The following CBLB variants were observed in gnomAD, a reference collection of about 807,000 sequenced individuals.
The protein encoded by CBLB is Cbl proto-oncogene B.
A neutral mutation model predicts 104.9 loss-of-function variants in CBLB; 31 were observed. The ratio of observed to expected loss-of-function variants is 0.30; its 90% CI spans 0.22 to 0.40. The LOEUF (loss-of-function observed/expected upper bound fraction) is 0.40. Among genes scored for constraint, CBLB ranks in the 10% least tolerant of loss-of-function variants. The pLI is 1.00. For synonymous variants in CBLB, 440 were observed against 422.6 expected, an observed-to-expected ratio of 1.04 and a Z score of -0.51; for missense variants, 1,062 against 1,214.6, an observed-to-expected ratio of 0.87 and a Z score of 1.87.
intron 2 of CBLB, among the ~76,000 whole-genome samples, chr3:105,859,428 G>A (rs560515169): frequency 7.2e-5 from 11 of 152,258 alleles, no homozygotes; most frequent in African/African-American, 2.6e-4. Flanking sequence ...GAGGCGAGCG[G>A]ATCACGAGGT....
intron 17 of CBLB, chr3:105,674,057 T>A (rs1365074187): frequency 6.6e-6 from 1 of 152,210 alleles, no homozygotes; most frequent in Non-Finnish European, 1.5e-5. Context: ...TTCTGATTTA[T>A]TAAGTCTTGA....
intron 2 of CBLB, among the ~76,000 whole-genome samples, chr3:105,856,348 C>CAAAAAAAAAAA (rs1169479720): frequency 3.2e-5 from 1 of 31,092 alleles, no homozygotes; most frequent in African/African-American, 1.2e-4. Flanking sequence ...GACTCCATCT[C>CAAAAAAAAAAA]AAAAAAAAAA....
chr3:105,779,038 GATAC>G (rs2079820620), intron 3 of CBLB, among the ~76,000 whole-genome samples: 1 of 152,066 alleles, frequency 6.6e-6, no homozygotes. Context: ...ACTTCCAATT[GATAC>G]ATACAAAAGA....
intron 3 of CBLB, among the ~76,000 whole-genome samples, chr3:105,816,906 T>G (rs1377530462): frequency 2.7e-5 from 4 of 150,462 alleles, no homozygotes; most frequent in Non-Finnish European, 3.0e-5. Flanking sequence ...AAAAAAAGGG[T>G]TTTTGATATA....
At chr3:105,735,384 A>G (rs4476538) in intron 8 of CBLB, among the ~76,000 whole-genome samples, 79,024 of 152,042 alleles carry the variant, frequency 0.52, 21,175 homozygotes, top group Middle Eastern at 0.66. Flanking sequence ...GAAATAATAG[A>G]TAAGTATTGA....
At chr3:105,747,174 A>AT (rs1035297499) in intron 5 of CBLB, among the ~76,000 whole-genome samples, 2 of 152,186 alleles carry the variant, frequency 1.3e-5, no homozygotes, top group African/African-American at 4.8e-5. Flanking sequence ...CATCTCTGCG[A>AT]TTTTTTTAAG....
At chr3:105,720,532 T>A (rs970250390) in intron 9 of CBLB, among the ~76,000 whole-genome samples, 1 of 152,226 alleles carries the variant, frequency 6.6e-6, no homozygotes, top group Non-Finnish European at 1.5e-5. Flanking sequence ...ACTGTTCACT[T>A]ATTATTCTAA....
chr3:105,725,208 T>G (rs1418373960), intron 9 of CBLB, among the ~76,000 whole-genome samples: 1 of 152,242 alleles, frequency 6.6e-6, no homozygotes, highest in Non-Finnish European at 1.5e-5. Flanking sequence ...AAAATGTATC[T>G]GAATAATTAT....
At chr3:105,857,877 G>C (rs1397436533) in intron 2 of CBLB, among the ~76,000 whole-genome samples, 3 of 152,108 alleles carry the variant, frequency 2.0e-5, no homozygotes, top group Non-Finnish European at 2.9e-5. Flanking sequence ...TATGATGGAG[G>C]CAAGTACAAA....
intron 17 of CBLB, chr3:105,671,637 C>T (rs1003857409): frequency 4.4e-5 from 9 of 204,550 alleles, no homozygotes; most frequent in South Asian, 1.9e-4. Context: ...TGATTACTTA[C>T]GATGAAAACA....
chr3:105,715,074 A>C (rs1370827191), intron 10 of CBLB, among the ~76,000 whole-genome samples: 1 of 152,224 alleles, frequency 6.6e-6, no homozygotes, highest in Non-Finnish European at 1.5e-5. Flanking sequence ...TTGGTGACTA[A>C]TACTGTGAAA....
intron 3 of CBLB, among the ~76,000 whole-genome samples, chr3:105,836,633 G>C (rs1322735104): frequency 6.6e-6 from 1 of 152,052 alleles, no homozygotes; most frequent in African/African-American, 2.4e-5. Flanking sequence ...CAAATATGAC[G>C]GTTTCTTACA....
intron 13 of CBLB, among the ~76,000 whole-genome samples, chr3:105,692,806 A>G (rs908109880): frequency 6.6e-6 from 1 of 150,978 alleles, no homozygotes; most frequent in Admixed American, 6.7e-5. Flanking sequence ...CTTCATATAA[A>G]GAGCAGGAAA....
chr3:105,842,927 A>G (rs972754672), intron 3 of CBLB, among the ~76,000 whole-genome samples: 80 of 152,198 alleles, frequency 5.3e-4, no homozygotes, highest in African/African-American at 1.9e-3. Flanking sequence ...GTGTTGATAA[A>G]ATAGTTTTAA....
chr3:105,797,019 G>T (rs1415790958), intron 3 of CBLB, among the ~76,000 whole-genome samples: 2 of 152,092 alleles, frequency 1.3e-5, no homozygotes, highest in Non-Finnish European at 2.9e-5. Context: ...CACTGTGAAA[G>T]CAATCTTGAT....
chr3:105,734,061 T>G lies in CBLB; in HGVS notation c.1151A>C (p.Lys384Thr). 6.2e-7 allele frequency: 1 copy of G among 1,614,048 alleles called. No individual in the cohort carries two copies. The highest frequency in any genetic ancestry group is 8.5e-7 in the Non-Finnish European group (1 of 1,179,890). ...KICAENDKDV[K>T]IEPCGHLMCT... The stretch of plus-strand genomic sequence containing the variant: ...CATCAAATGCCCACAAGGCTCAATC[T>G]TGACATCTTTGTCATTCTCTGCACA... Residue 384 changes from lysine to threonine, a missense_variant, in exon 9 of 19, where the codon AAG (lysine) becomes ACG (threonine). Physicochemically the swap from Lys to Thr is moderately conservative, Grantham distance 78. Around this residue, in one of 2 missense-constraint regions of CBLB, gnomAD observed 457 missense variants for 632.0 expected, o/e 0.72. Coordinates refer to ENST00000394030, the MANE Select transcript of CBLB (RefSeq NM_170662.5).
chr3:105,671,268 C>A (rs2065031948), intron 17 of CBLB: 1 of 208,222 alleles, frequency 4.8e-6, no homozygotes, highest in Non-Finnish European at 9.8e-6. Context: ...AGCTATCACT[C>A]CCACCTCAGG....
At chr3:105,760,037 AT>A (rs1458154079) in intron 4 of CBLB, among the ~76,000 whole-genome samples, 5 of 152,196 alleles carry the variant, frequency 3.3e-5, no homozygotes, top group African/African-American at 1.2e-4. Flanking sequence ...CTATAATCAT[AT>A]TTTTATAAGA....
At chr3:105,776,714 AC>A (rs1434001085) in intron 3 of CBLB, among the ~76,000 whole-genome samples, 172 bp from the exon 4 acceptor site, 2 of 152,160 alleles carry the variant, frequency 1.3e-5, no homozygotes. Context: ...GTTTATGAAA[AC>A]ATTGTACATT....
Sources: gnomAD v4.1 joint callset for allele counts (sites outside exome capture counted in the v4.1 genomes callset) on GRCh38, gnomAD v4.1.1 for gene constraint, gnomAD v4.1.1 regional missense constraint, MANE v1.5 for transcripts, NCBI Gene and HGNC (gene_info 2026-07-23, HGNC 2026-07-21) for gene names.